DCAKD: variants seen among roughly 807,000 people sequenced by gnomAD.
DCAKD encodes dephospho-CoA kinase domain containing, also known as dephospho-CoA kinase domain-containing protein.
In DCAKD, 15 loss-of-function variants were observed where a neutral mutation model predicts 18.7. The observed-to-expected ratio is 0.80, with a 90% CI of 0.54 to 1.24. The LOEUF is 1.24. Ranked by LOEUF, DCAKD falls within the 50% of genes most tolerant of loss-of-function variation. The pLI is 0.00. For synonymous variants in DCAKD, 130 were observed against 133.0 expected, an observed-to-expected ratio of 0.98 and a Z score of 0.16; for missense variants, 301 against 322.0, an observed-to-expected ratio of 0.93 and a Z score of 0.50.
At chr17:45,030,020 C>A in intron 4 of DCAKD, 72 bp downstream of exon 4, 1 of 1,427,802 alleles carries the variant, frequency 7.0e-7, no homozygotes, top group South Asian at 1.1e-5. Flanking sequence ...GGGCAAAGTG[C>A]AAAATGATGT....
rs900593657 is a variant in DCAKD at position 45,030,283 on chromosome 17, G to A, written c.317-104C>T. On this transcript the variant is annotated intron_variant, in intron 3 of 4. Coordinates refer to ENST00000651974, the MANE Select transcript of DCAKD (RefSeq NM_001288655.2). The stretch of plus-strand genomic sequence containing the variant: ...TCCAGAGCGCCCAGCAGAGGGGCAG[G>A]CCTTCCAAGGACACACATACCCTGC... 1.4e-5 allele frequency: 14 copies of A among 974,528 alleles called. No homozygotes were observed. The East Asian group carries it at 2.2e-4, about 15-fold the overall frequency. The allele number at this position is 974,528 out of a possible 1,614,324, so 60.4% of individuals were successfully genotyped here. A position where few individuals can be genotyped will look rare whatever the true frequency, so the allele number is the denominator to read the frequency against.
intron 1 of DCAKD, among the ~76,000 whole-genome samples, chr17:45,046,798 C>T (rs1477311852): frequency 6.6e-6 from 1 of 152,044 alleles, no homozygotes; most frequent in Non-Finnish European, 1.5e-5. Context: ...CCAGCTCCTC[C>T]TTCACACTCA....
rs563905106 is a variant in DCAKD at position 45,060,921 on chromosome 17, T to A, written c.-151A>T. Reference sequence around the variant, plus strand: ...CGTAACGGTCCTTAACGGCAGCCAATAACGGCTCCCAGCGGCCCAGGCACT... The same window carrying A: ...CGTAACGGTCCTTAACGGCAGCCAAAAACGGCTCCCAGCGGCCCAGGCACT... On this transcript the variant is annotated 5_prime_UTR_variant, in exon 1 of 5. Transcript: ENST00000310604. 8.2e-4 allele frequency: 568 copies of A among 689,400 alleles called. 1 individual carries two copies. The African/African-American group carries it at 0.01, about 12-fold the overall frequency. The allele number at this position is 689,400 out of a possible 1,614,324, so 42.7% of individuals were successfully genotyped here.
intron 4 of DCAKD, among the ~76,000 whole-genome samples, chr17:45,028,311 C>T (rs1452962643): frequency 3.3e-5 from 5 of 151,360 alleles, no homozygotes; most frequent in East Asian, 2.0e-4. Flanking sequence ...AGGGTTTAAC[C>T]GTGTTAGCCA....
chr17:45,048,409 G>A (rs1016487828), intron 1 of DCAKD, among the ~76,000 whole-genome samples: 1 of 151,504 alleles, frequency 6.6e-6, no homozygotes, highest in African/African-American at 2.4e-5. Context: ...TTGGGAGGCC[G>A]AGGGCGGATC....
upstream of DCAKD, among the ~76,000 whole-genome samples, chr17:45,055,587 A>G (rs967919090): frequency 5.3e-5 from 8 of 152,032 alleles, no homozygotes; most frequent in Non-Finnish European, 1.2e-4. Flanking sequence ...ATACCTCAAA[A>G]GCACCCAAGT....
chr17:45,036,766 G>A (rs1018458223), intron 1 of DCAKD, among the ~76,000 whole-genome samples: 12 of 152,064 alleles, frequency 7.9e-5, no homozygotes, highest in African/African-American at 2.9e-4. Flanking sequence ...AGTAAATGAG[G>A]TTACCATGTC....
intron 1 of DCAKD, among the ~76,000 whole-genome samples, chr17:45,045,307 C>T (rs959154415): frequency 2.0e-5 from 3 of 152,180 alleles, no homozygotes; most frequent in Non-Finnish European, 2.9e-5. Context: ...TTCTTCACAG[C>T]GCTGACCAAC....
chr17:45,044,312 G>A (rs2053512492), intron 1 of DCAKD, among the ~76,000 whole-genome samples: 1 of 152,132 alleles, frequency 6.6e-6, no homozygotes, highest in Non-Finnish European at 1.5e-5. Flanking sequence ...TCCCTTCTCT[G>A]CCCAATCGTC....
chr17:45,058,276 T>C (rs943856552), intron 1 of DCAKD, among the ~76,000 whole-genome samples: 4 of 152,018 alleles, frequency 2.6e-5, no homozygotes, highest in Non-Finnish European at 2.9e-5. Context: ...GATTGCGCCA[T>C]TGCACTCCAG....
At position 45,024,135 on chromosome 17, in the gene DCAKD, CTG is replaced by C. The variant is rs1423012890; in HGVS notation, c.*296_*297del. 2.2e-5 allele frequency: 8 copies of C among 368,874 alleles called. No individual in the cohort carries two copies. The South Asian group carries it at 4.5e-4, about 21-fold the overall frequency. The allele number at this position is 368,874 out of a possible 1,614,324, so 22.9% of individuals were successfully genotyped here. On this transcript the variant is annotated 3_prime_UTR_variant, in exon 5 of 5. Transcript: ENST00000651974. ...CACAGAAATGTATAGCAGTCTCTGACTGTTGCTTTCACACACCATCACGGTTG... is the reference window on the plus strand; with the variant it reads ...CACAGAAATGTATAGCAGTCTCTGACTTGCTTTCACACACCATCACGGTTG...
chr17:45,028,402 AC>A (rs1357762269), intron 4 of DCAKD, among the ~76,000 whole-genome samples: 1 of 121,594 alleles, frequency 8.2e-6, no homozygotes, highest in East Asian at 2.3e-4. Context: ...GAGCCACCAC[AC>A]CCGGCCTTTT....
chr17:45,034,127 G>A (rs2053231846), intron 3 of DCAKD, 60 bp downstream of exon 3: 6 of 1,610,494 alleles, frequency 3.7e-6, no homozygotes, highest in Non-Finnish European at 3.4e-6. Flanking sequence ...TTTCTGCAGA[G>A]GAGAAGGGCC....
At chr17:45,059,752 A>C (rs2053828001) in intron 1 of DCAKD, among the ~76,000 whole-genome samples, 1 of 152,158 alleles carries the variant, frequency 6.6e-6, no homozygotes, top group African/African-American at 2.4e-5. Context: ...TTGCCACTTA[A>C]CCAGCTATGT....
At chr17:45,042,462 T>G (rs1007017017) in intron 1 of DCAKD, among the ~76,000 whole-genome samples, 2 of 152,232 alleles carry the variant, frequency 1.3e-5, no homozygotes, top group Admixed American at 1.3e-4. Context: ...CTCCCTCGGC[T>G]TGCAGCCCCT....
At position 45,034,953 on chromosome 17, in the gene DCAKD, C is replaced by A. The variant is rs1161348138; in HGVS notation, c.-68G>T. The A allele has an allele frequency of 1.3e-6, 2 of 1,549,158 alleles. No individual in the cohort carries two copies. The highest frequency in any genetic ancestry group is 1.8e-6 in the Non-Finnish European group (2 of 1,130,472). The stretch of plus-strand genomic sequence containing the variant: ...GCTACAGAATCACTGGAGAGCAGGG[C>A]AAGTGTGGCCGATGGGGGCGGTCCA... On this transcript the variant is annotated 5_prime_UTR_variant, in exon 2 of 5. Coordinates refer to ENST00000651974, the MANE Select transcript of DCAKD (RefSeq NM_001288655.2).
intron 4 of DCAKD, chr17:45,026,890 G>C: frequency 1.1e-6 from 1 of 932,780 alleles, no homozygotes; most frequent in Non-Finnish European, 1.3e-6. Context: ...CCTCCTGAAG[G>C]TGTGGCCCAG....
chr17:45,039,778 C>A (rs2053385858), intron 1 of DCAKD, among the ~76,000 whole-genome samples: 2 of 152,238 alleles, frequency 1.3e-5, no homozygotes, highest in South Asian at 4.1e-4. Flanking sequence ...GTGATTTCTT[C>A]CTCCCCTTCA....
intron 1 of DCAKD, among the ~76,000 whole-genome samples, chr17:45,035,342 G>A (rs557095689): frequency 2.0e-5 from 3 of 152,068 alleles, no homozygotes; most frequent in Non-Finnish European, 2.9e-5. Flanking sequence ...TTAGCTGGGC[G>A]TGGTGGCGTG....
Sources: allele counts gnomAD v4.1 joint callset (sites outside exome capture counted in the v4.1 genomes callset), GRCh38; gene constraint gnomAD v4.1.1; transcripts MANE v1.5; gene names NCBI Gene and HGNC (gene_info 2026-07-23, HGNC 2026-07-21).